The following LHX9 variants were observed in gnomAD, a reference collection of about 807,000 sequenced individuals.
LHX9 encodes the protein LIM homeobox 9, also known as LIM/homeobox protein Lhx9.
Under a neutral mutation model 36.5 loss-of-function variants are expected in LHX9, and 9 were observed. The ratio of observed to expected loss-of-function variants is 0.25; its 90% CI spans 0.15 to 0.43. The LOEUF (loss-of-function observed/expected upper bound fraction) is 0.43. Among genes scored for constraint, LHX9 ranks in the 20% least tolerant of loss-of-function variants. LHX9 has a pLI of 1.00. For missense variants in LHX9, 464 were observed against 526.4 expected, an observed-to-expected ratio of 0.88 and a Z score of 1.16; for synonymous variants, 211 against 212.1, an observed-to-expected ratio of 0.99 and a Z score of 0.04.
At chr1:197,920,546 A>G (rs1659951201) in intron 2 of LHX9, among the ~76,000 whole-genome samples, 1 of 152,160 alleles carries the variant, frequency 6.6e-6, no homozygotes, top group South Asian at 2.1e-4. Flanking sequence ...CTGCGCCTTG[A>G]AACTGAACTA....
In LHX9 at chr1:197,917,670, C is replaced by A. The variant is rs1367437800; in HGVS notation, c.-154C>A. 2 of 1,554,014 alleles carry A rather than the reference C, an allele frequency of 1.3e-6. No homozygotes were observed. Among genetic ancestry groups the A allele is most frequent in the East Asian group, 2.3e-5 (1 of 43,020 alleles). ...GTTCTTTTTGCTTCCCCTCGGCCCC[C>A]CAAGCAGACCGATTTCCACTCCATC... On this transcript the variant is annotated 5_prime_UTR_variant, in exon 1 of 5. Transcript: ENST00000367387.
upstream of LHX9, among the ~76,000 whole-genome samples, chr1:197,913,982 C>T (rs1028951791): frequency 2.6e-5 from 4 of 152,192 alleles, no homozygotes; most frequent in Non-Finnish European, 5.9e-5. Context: ...GGCTCGGGTT[C>T]TTTGCCCATG....
upstream of LHX9, chr1:197,917,331 C>CTT: frequency 7.9e-7 from 1 of 1,267,814 alleles, no homozygotes; most frequent in Non-Finnish European, 1.0e-6. Flanking sequence ...AATGGGCTGG[C>CTT]TTTAGTCTCT....
chr1:197,932,033 A>C lies in LHX9; in HGVS notation c.*2774A>C. 2.5e-6 allele frequency: 3 copies of C among 1,206,254 alleles called. No individual in the cohort carries two copies. Among genetic ancestry groups the C allele is most frequent in the Non-Finnish European group, 3.5e-6 (3 of 849,424 alleles). The allele number at this position is 1,206,254 out of a possible 1,614,324, so 74.7% of individuals were successfully genotyped here. A position where few individuals can be genotyped will look rare whatever the true frequency, so the allele number is the denominator to read the frequency against. ...AATCCACTGCAGTGAAGACAAAGAC[A>C]CTATTAGGTTATGATAATCATACAT... On this transcript the variant is annotated 3_prime_UTR_variant, in exon 5 of 5. Coordinates refer to ENST00000367387, the MANE Select transcript of LHX9 (RefSeq NM_020204.3).
upstream of LHX9, among the ~76,000 whole-genome samples, chr1:197,913,731 G>A (rs1306691267): frequency 6.6e-6 from 1 of 152,186 alleles, no homozygotes; most frequent in African/African-American, 2.4e-5. Context: ...TAAGAGCCGC[G>A]CCTTTCAAAC....
At chr1:197,928,664 C>T (rs899866719) in intron 4 of LHX9, among the ~76,000 whole-genome samples, 1 of 152,038 alleles carries the variant, frequency 6.6e-6, no homozygotes, top group African/African-American at 2.4e-5. Flanking sequence ...TGAGGAATCA[C>T]CGTGTATTTC....
At chr1:197,928,893 C>CAAAAAAAAAAAAA in intron 4 of LHX9, 109 bp from the exon 5 acceptor site, 1 of 1,020,566 alleles carries the variant, frequency 9.8e-7, no homozygotes. Flanking sequence ...AAACCTATAT[C>CAAAAAAAAAAAAA]AAAAAAAAAA....
rs549503461 is a variant in LHX9, at chr1:197,935,400, C to A, written c.*6141C>A. ...TTTGGAACTTTCTGTTTACATTTTG[C>A]ATGATCTTATAAATTAACCTGAAGA... On this transcript the variant is annotated 3_prime_UTR_variant, in exon 5 of 5. Transcript: ENST00000367387. 6.6e-6 allele frequency: 1 copy of A among 152,238 alleles called. No individual in the cohort carries two copies. Among genetic ancestry groups the A allele is most frequent in the South Asian group, 2.1e-4 (1 of 4,826 alleles). The allele number at this position is 152,238 out of a possible 1,614,324, so 9.4% of individuals were successfully genotyped here. A position where few individuals can be genotyped will look rare whatever the true frequency, so the allele number is the denominator to read the frequency against.
In LHX9 at chr1:197,921,263, C is replaced by G. The variant is rs780635107; in HGVS notation, c.378-41C>G. The stretch of plus-strand genomic sequence containing the variant: ...TGTCGCGGGTGGGATATGGCTCTGC[C>G]TTGCTTCAACTAGCGCCCTGACTCA... On this transcript the variant is annotated intron_variant, in intron 2 of 4. Transcript: ENST00000367387. This position sits in a 1 kb window ranked among gnomAD's most constrained non-coding sequence, Gnocchi z 4.6. The G allele has an allele frequency of 6.4e-7, 1 of 1,560,856 alleles. No individual in the cohort carries two copies. Among genetic ancestry groups the G allele is most frequent in the Non-Finnish European group, 8.7e-7 (1 of 1,147,350 alleles).
rs1045881109 is a variant in LHX9, at chr1:197,932,109, C to T, written c.*2850C>T. 4 of 610,094 alleles carry T rather than the reference C, an allele frequency of 6.6e-6. No homozygotes were observed. Among genetic ancestry groups the T allele is most frequent in the Admixed American group, 3.0e-5 (1 of 32,838 alleles). The allele number at this position is 610,094 out of a possible 1,614,324, so 37.8% of individuals were successfully genotyped here. ...AAGAGAGAGAGAGAGACTTAAATGTCATTTACTGAATGTTAACGAAACTTG... is the reference window on the plus strand; with the variant it reads ...AAGAGAGAGAGAGAGACTTAAATGTTATTTACTGAATGTTAACGAAACTTG... On this transcript the variant is annotated 3_prime_UTR_variant, in exon 5 of 5. Transcript: ENST00000367387.
chr1:197,917,506 C>A lies in LHX9; in HGVS notation c.-318C>A. 1.4e-6 allele frequency: 2 copies of A among 1,401,870 alleles called. No individual in the cohort carries two copies. Among genetic ancestry groups the A allele is most frequent in the Non-Finnish European group, 1.9e-6 (2 of 1,052,256 alleles). The allele number at this position is 1,401,870 out of a possible 1,614,324, so 86.8% of individuals were successfully genotyped here. A position where few individuals can be genotyped will look rare whatever the true frequency, so the allele number is the denominator to read the frequency against. On this transcript the variant is annotated 5_prime_UTR_variant, in exon 1 of 5. Transcript: ENST00000367387. ...AGATTTTGTTTTCCTCCCCCCGCTG[C>A]AGTTGTTTCCCATTAGTAACTCGAT...
rs1286330800 is a variant in LHX9 at position 197,918,273 on chromosome 1, A to C, written c.174+276A>C. On this transcript the variant is annotated intron_variant, in intron 1 of 4. Coordinates refer to ENST00000367387, the MANE Select transcript of LHX9 (RefSeq NM_020204.3). Reference sequence around the variant, plus strand: ...AGGAGGTGGGATGGGGGGTGGTGGCATTCTCTTCTACAGACCTCAAGGTTC... The same window carrying C: ...AGGAGGTGGGATGGGGGGTGGTGGCCTTCTCTTCTACAGACCTCAAGGTTC... 9.8e-6 allele frequency: 7 copies of C among 717,134 alleles called. No individual in the cohort carries two copies. The African/African-American group carries it at 1.2e-4, about 13-fold the overall frequency. The allele number at this position is 717,134 out of a possible 1,614,324, so 44.4% of individuals were successfully genotyped here. A position where few individuals can be genotyped will look rare whatever the true frequency, so the allele number is the denominator to read the frequency against.
rs918521088 is a variant in LHX9 at position 197,921,206 on chromosome 1, C to A, written c.378-98C>A. 1.1e-6 allele frequency: 1 copy of A among 923,200 alleles called. No homozygotes were observed. Among genetic ancestry groups the A allele is most frequent in the Non-Finnish European group, 1.6e-6 (1 of 614,300 alleles). The allele number at this position is 923,200 out of a possible 1,614,324, so 57.2% of individuals were successfully genotyped here. A position where few individuals can be genotyped will look rare whatever the true frequency, so the allele number is the denominator to read the frequency against. On this transcript the variant is annotated intron_variant, in intron 2 of 4. Coordinates refer to ENST00000367387, the MANE Select transcript of LHX9 (RefSeq NM_020204.3). This position sits in a 1 kb window ranked among gnomAD's most constrained non-coding sequence, Gnocchi z 4.6. ...TGTCCCCCTGGAACCCTCCCAGGTC[C>A]CAGTCTCAGGCCACTGCAGACCAAA...
chr1:197,923,362 C>T (rs147039235), intron 3 of LHX9, among the ~76,000 whole-genome samples: 78 of 152,308 alleles, frequency 5.1e-4, no homozygotes, highest in African/African-American at 1.2e-3. Context: ...GGTTAGGGGC[C>T]ACTTTGCCCA....
chr1:197,917,126 G>T, upstream of LHX9: 2 of 360,708 alleles, frequency 5.5e-6, no homozygotes, highest in Non-Finnish European at 7.7e-6. Context: ...GCGCGCGCGC[G>T]CGCGTGTGTG....
At position 197,930,155 on chromosome 1, in the gene LHX9, T is replaced by C; in HGVS notation, c.*896T>C. The C allele has an allele frequency of 1.5e-6, 1 of 684,160 alleles. No individual in the cohort carries two copies. The highest frequency in any genetic ancestry group is 1.8e-6 in the Non-Finnish European group (1 of 555,082). The allele number at this position is 684,160 out of a possible 1,614,324, so 42.4% of individuals were successfully genotyped here. On this transcript the variant is annotated 3_prime_UTR_variant, in exon 5 of 5. Coordinates refer to ENST00000367387, the MANE Select transcript of LHX9 (RefSeq NM_020204.3). ...AAATCAATATAATTTAATTAATAGC[T>C]CTATTAATTGGCTTCAGCTGTACCA...
chr1:197,916,715 A>C, upstream of LHX9: 3 of 702,948 alleles, frequency 4.3e-6, no homozygotes, highest in Non-Finnish European at 7.8e-6. Context: ...ACTTCGGATG[A>C]AGCCAGCATC....
intron 3 of LHX9, among the ~76,000 whole-genome samples, chr1:197,922,305 C>T (rs1660018584): frequency 6.6e-6 from 1 of 152,112 alleles, no homozygotes; most frequent in Admixed American, 6.5e-5. Context: ...ACATCCAGAC[C>T]CCTGGAACTG....
chr1:197,924,566 A>G (rs1557975305), intron 3 of LHX9, among the ~76,000 whole-genome samples: 2 of 152,262 alleles, frequency 1.3e-5, no homozygotes, highest in African/African-American at 4.8e-5. Context: ...TTAGTTTAGG[A>G]TAGGAAGCTC....
Sources: allele counts gnomAD v4.1 joint callset (sites outside exome capture counted in the v4.1 genomes callset), GRCh38; gene constraint gnomAD v4.1.1; non-coding constraint Gnocchi (gnomAD v3.1); transcripts MANE v1.5; gene names NCBI Gene and HGNC (gene_info 2026-07-23, HGNC 2026-07-21).